Variants in ITPR2 observed in about 807,000 individuals in gnomAD.
The protein encoded by ITPR2 is inositol 1,4,5-trisphosphate-gated calcium channel ITPR2.
ITPR2 carries 207 observed loss-of-function variants against 317.1 expected under a neutral mutation model. That is an observed-to-expected ratio of 0.65 (90% CI 0.58 to 0.73). The LOEUF is 0.73. ITPR2 is among the 30% of genes least tolerant of loss of function. The probability of loss-of-function intolerance (pLI) is 0.00; values close to 1 mark genes in which losing one functional copy is unlikely to be tolerated. For missense variants in ITPR2, 2,613 were observed against 3,284.0 expected, an observed-to-expected ratio of 0.80 and a Z score of 4.99; for synonymous variants, 1,156 against 1,149.1, an observed-to-expected ratio of 1.01 and a Z score of -0.12.
intron 51 of ITPR2, among the ~76,000 whole-genome samples, chr12:26,414,479 T>C (rs1393536829): frequency 6.6e-6 from 1 of 152,126 alleles, no homozygotes; most frequent in African/African-American, 2.4e-5. Flanking sequence ...CTACAACCCA[T>C]AGTCGGCAGA....
intron 31 of ITPR2, among the ~76,000 whole-genome samples, chr12:26,596,576 G>A (rs948599585): frequency 6.6e-6 from 1 of 151,240 alleles, no homozygotes. Flanking sequence ...GAACCCAAGA[G>A]GTGGAGGCTG....
intron 48 of ITPR2, among the ~76,000 whole-genome samples, chr12:26,429,121 T>G (rs936937065): frequency 3.3e-5 from 5 of 152,250 alleles, no homozygotes; most frequent in Non-Finnish European, 7.4e-5. Context: ...ATCTGACTCC[T>G]TTAATGAATT....
intron 49 of ITPR2, among the ~76,000 whole-genome samples, chr12:26,425,762 C>G (rs995798451): frequency 2.2e-4 from 34 of 151,794 alleles, no homozygotes; most frequent in Non-Finnish European, 5.9e-5. Context: ...CAATTACAGT[C>G]CCCACAGATT....
chr12:26,775,663 A>G (rs1020473356), intron 2 of ITPR2, among the ~76,000 whole-genome samples: 1 of 152,050 alleles, frequency 6.6e-6, no homozygotes, highest in African/African-American at 2.4e-5. Context: ...GGAAAAGTAG[A>G]TCCACCCTTA....
At chr12:26,528,312 C>T (rs1430942145) in intron 37 of ITPR2, among the ~76,000 whole-genome samples, 1 of 152,132 alleles carries the variant, frequency 6.6e-6, no homozygotes, top group African/African-American at 2.4e-5. Flanking sequence ...GAAATAGAAC[C>T]ACAAAGGATG....
At chr12:26,604,763 T>C (rs890516069) in intron 26 of ITPR2, among the ~76,000 whole-genome samples, 4 of 152,192 alleles carry the variant, frequency 2.6e-5, no homozygotes, top group Non-Finnish European at 5.9e-5. Context: ...GAATGCAGGA[T>C]ATTACCTGCA....
chr12:26,459,585 C>T (rs1341637693), intron 45 of ITPR2, among the ~76,000 whole-genome samples: 1 of 152,182 alleles, frequency 6.6e-6, no homozygotes, highest in Non-Finnish European at 1.5e-5. Flanking sequence ...TTGGCCCCAC[C>T]CTCTTTTGTG....
chr12:26,599,374 T>A, intron 29 of ITPR2, 29 bp from the exon 30 acceptor site: 5 of 1,595,518 alleles, frequency 3.1e-6, no homozygotes, highest in Non-Finnish European at 3.4e-6. Context: ...GCCCTTGTAA[T>A]TCTGACAAGA....
intron 55 of ITPR2, chr12:26,373,723 T>C (rs1471584392): frequency 6.6e-6 from 1 of 152,204 alleles, no homozygotes; most frequent in Non-Finnish European, 1.5e-5. Flanking sequence ...CAGAGTGGTA[T>C]GGACACAGAC....
intron 43 of ITPR2, 57 bp downstream of exon 43, chr12:26,481,074 G>T: frequency 2.1e-6 from 2 of 942,008 alleles, no homozygotes; most frequent in South Asian, 1.4e-5. Context: ...AGAGCTGCTT[G>T]AAGATTGTAC....
intron 45 of ITPR2, among the ~76,000 whole-genome samples, chr12:26,444,565 C>T (rs1941563755): frequency 6.6e-6 from 1 of 152,090 alleles, no homozygotes; most frequent in Admixed American, 6.6e-5. Flanking sequence ...GTGGTAAGCA[C>T]TCTTATTATT....
intron 48 of ITPR2, among the ~76,000 whole-genome samples, chr12:26,433,874 A>G (rs952439128): frequency 6.6e-6 from 1 of 152,216 alleles, no homozygotes; most frequent in Non-Finnish European, 1.5e-5. Context: ...TAGAGTCTGC[A>G]TGAGGTAGAT....
At chr12:26,703,777 A>G (rs900421535) in intron 9 of ITPR2, among the ~76,000 whole-genome samples, 3 of 152,194 alleles carry the variant, frequency 2.0e-5, no homozygotes, top group Admixed American at 1.3e-4. Flanking sequence ...CATTCATTCA[A>G]TCATCCAACA....
chr12:26,657,172 C>G (rs1947389912), intron 18 of ITPR2, among the ~76,000 whole-genome samples: 2 of 152,202 alleles, frequency 1.3e-5, no homozygotes, highest in South Asian at 4.1e-4. Context: ...AAGATGCCAG[C>G]TAGGTTCTTG....
rs542390913 is a variant in ITPR2, at chr12:26,611,344, A to G, written c.3463-8638T>C. 2.0e-5 allele frequency among the ~76,000 whole-genome samples: 3 copies of G among 152,354 alleles called. No homozygotes were observed. The East Asian group carries it at 5.8e-4, about 29-fold the overall frequency. ...CTTACATCACACATCCATTAAAAGA[A>G]CAAAAATAATTATGAAGTAAAAACA... On this transcript the variant is annotated intron_variant, in intron 26 of 56. Transcript: ENST00000381340.
chr12:26,453,843 T>A (rs551012157), intron 45 of ITPR2, among the ~76,000 whole-genome samples: 1 of 152,372 alleles, frequency 6.6e-6, no homozygotes, highest in South Asian at 2.1e-4. Context: ...ATAATTCAGA[T>A]AATATGCGAG....
chr12:26,771,812 CTGTT>C (rs1375560118), intron 2 of ITPR2, among the ~76,000 whole-genome samples: 3 of 152,060 alleles, frequency 2.0e-5, no homozygotes, highest in African/African-American at 7.2e-5. Context: ...CGTGCCTGGC[CTGTT>C]TGTTTGTTTT....
chr12:26,641,722 A>G lies in ITPR2; in HGVS notation c.2741-9663T>C, dbSNP rs115972647. 8.9e-3 allele frequency among the ~76,000 whole-genome samples: 1,362 copies of G among 152,278 alleles called. 25 individuals are homozygous for G. Among genetic ancestry groups the G allele is most frequent in the African/African-American group, 0.031 (1,304 of 41,562 alleles). ...TCCCTTGCCTGATGTGTAGCCTGGC[A>G]TCCGTTACATAGTTATTCTCCCCCT... is the stretch of plus-strand genomic sequence containing the variant. On this transcript the variant is annotated intron_variant, in intron 21 of 56. Coordinates refer to ENST00000381340, the MANE Select transcript of ITPR2 (RefSeq NM_002223.4).
At chr12:26,603,351 A>G (rs1946049261) in intron 26 of ITPR2, among the ~76,000 whole-genome samples, 1 of 152,258 alleles carries the variant, frequency 6.6e-6, no homozygotes, top group African/African-American at 2.4e-5. Flanking sequence ...ATACTTAATT[A>G]TAATAACTAT....
Sources: gnomAD v4.1 joint callset for allele counts (sites outside exome capture counted in the v4.1 genomes callset) on GRCh38, gnomAD v4.1.1 for gene constraint, MANE v1.5 for transcripts, NCBI Gene and HGNC (gene_info 2026-07-23, HGNC 2026-07-21) for gene names.